Variants in MB21D2 observed in about 807,000 individuals in gnomAD.
MB21D2 encodes nucleotidyltransferase MB21D2.
MB21D2 carries 9 observed loss-of-function variants against 33.3 expected under a neutral mutation model. That is an observed-to-expected ratio of 0.27 (90% confidence interval 0.16 to 0.47). The LOEUF (loss-of-function observed/expected upper bound fraction) is 0.47. Ranked by LOEUF, MB21D2 falls within the 20% of genes least tolerant of loss-of-function variation. The pLI is 0.99. For missense variants in MB21D2, 540 were observed against 624.6 expected (o/e 0.86, Z 1.44); for synonymous variants, 241 against 236.3 (o/e 1.02, Z -0.18).
intron 1 of MB21D2, among the ~76,000 whole-genome samples, chr3:192,861,215 C>G (rs537185190): frequency 6.6e-6 from 1 of 152,322 alleles, no homozygotes; most frequent in East Asian, 1.9e-4. Flanking sequence ...CCTCTGGGCT[C>G]GGTTCTCAAT....
At chr3:192,870,324 A>C (rs1395626358) in intron 1 of MB21D2, among the ~76,000 whole-genome samples, 7 of 152,172 alleles carry the variant, frequency 4.6e-5, no homozygotes, top group Admixed American at 2.0e-4. Context: ...TTAAAGCCCA[A>C]GACTAGTGAG....
intron 1 of MB21D2, among the ~76,000 whole-genome samples, chr3:192,803,982 G>C (rs1157739358): frequency 6.6e-6 from 1 of 152,172 alleles, no homozygotes; most frequent in East Asian, 1.9e-4. Context: ...GCATATGCTT[G>C]TTCTTAAGTA....
At chr3:192,867,073 T>C (rs1260996635) in intron 1 of MB21D2, among the ~76,000 whole-genome samples, 1 of 152,106 alleles carries the variant, frequency 6.6e-6, no homozygotes, top group Non-Finnish European at 1.5e-5. Flanking sequence ...CCAGAAACTA[T>C]TGCAATATTA....
intron 1 of MB21D2, among the ~76,000 whole-genome samples, chr3:192,849,316 T>TGGGGGGG (rs66792694): frequency 3.3e-5 from 3 of 92,136 alleles, no homozygotes; most frequent in Non-Finnish European, 6.4e-5. Flanking sequence ...TCTCTTTTTT[T>TGGGGGGG]GGGGGGGGGG....
intron 1 of MB21D2, among the ~76,000 whole-genome samples, chr3:192,878,825 G>A (rs747668692): frequency 3.1e-4 from 47 of 152,182 alleles, no homozygotes; most frequent in Middle Eastern, 3.2e-3. Context: ...TTAGCTGGAC[G>A]TGGTGGTGCA....
chr3:192,847,092 T>G (rs1162624449), intron 1 of MB21D2, among the ~76,000 whole-genome samples: 1 of 152,146 alleles, frequency 6.6e-6, no homozygotes, highest in African/African-American at 2.4e-5. Context: ...TGAGACTTCA[T>G]GGTCTCCAGG....
At chr3:192,904,849 C>G (rs1384401500) in intron 1 of MB21D2, among the ~76,000 whole-genome samples, 1 of 152,226 alleles carries the variant, frequency 6.6e-6, no homozygotes, top group African/African-American at 2.4e-5. Flanking sequence ...ACTGAGCCAC[C>G]CACCACACTC....
chr3:192,886,480 A>G (rs1004948282), intron 1 of MB21D2, among the ~76,000 whole-genome samples: 1 of 152,098 alleles, frequency 6.6e-6, no homozygotes, highest in African/African-American at 2.4e-5. Context: ...GCAAATCTTG[A>G]CACTTTGCTA....
chr3:192,890,480 G>T (rs56082947), intron 1 of MB21D2, among the ~76,000 whole-genome samples: 31,227 of 151,588 alleles, frequency 0.21, 3,913 homozygotes, highest in African/African-American at 0.35. Flanking sequence ...TAGCTTGTAA[G>T]GTCTGATGGG....
chr3:192,901,410 ATT>A (rs1714097769), intron 1 of MB21D2, among the ~76,000 whole-genome samples: 3 of 132,330 alleles, frequency 2.3e-5, no homozygotes, highest in Non-Finnish European at 4.7e-5. Flanking sequence ...TCTACTAAAA[ATT>A]CAAAAAAAAA....
intron 1 of MB21D2, among the ~76,000 whole-genome samples, chr3:192,811,229 C>T (rs570416230): frequency 6.6e-6 from 1 of 152,328 alleles, no homozygotes; most frequent in East Asian, 1.9e-4. Flanking sequence ...CATTCAATAG[C>T]TTATTAATAG....
chr3:192,863,874 G>A (rs966928181), intron 1 of MB21D2, among the ~76,000 whole-genome samples: 1 of 152,176 alleles, frequency 6.6e-6, no homozygotes, highest in Non-Finnish European at 1.5e-5. Flanking sequence ...ACCTGCCAGA[G>A]CCTTGATCTT....
At chr3:192,886,481 C>T (rs1051232146) in intron 1 of MB21D2, among the ~76,000 whole-genome samples, 5 of 152,100 alleles carry the variant, frequency 3.3e-5, no homozygotes, top group Non-Finnish European at 7.3e-5. Flanking sequence ...CAAATCTTGA[C>T]ACTTTGCTAC....
At chr3:192,820,966 C>A (rs1319095974) in intron 1 of MB21D2, among the ~76,000 whole-genome samples, 6 of 152,130 alleles carry the variant, frequency 3.9e-5, no homozygotes, top group Non-Finnish European at 7.3e-5. Context: ...TGAGGTCTCG[C>A]TATGTTGCTG....
chr3:192,820,658 T>C (rs7616232), intron 1 of MB21D2, among the ~76,000 whole-genome samples: 413 of 152,364 alleles, frequency 2.7e-3, no homozygotes, highest in African/African-American at 9.2e-3. Context: ...CCGGGCTCTC[T>C]CTGCAAAGGC....
intron 1 of MB21D2, among the ~76,000 whole-genome samples, chr3:192,914,313 A>AT (rs1295805275): frequency 6.6e-6 from 1 of 152,194 alleles, no homozygotes; most frequent in Non-Finnish European, 1.5e-5. Flanking sequence ...TTAGTAAATG[A>AT]TTAACTACCG....
intron 1 of MB21D2, among the ~76,000 whole-genome samples, chr3:192,835,915 C>A (rs1014237784): frequency 2.6e-5 from 4 of 151,780 alleles, no homozygotes; most frequent in African/African-American, 9.7e-5. Context: ...TCAGAATGTT[C>A]TTAGCACATT....
chr3:192,839,591 T>C (rs1712524721), intron 1 of MB21D2, among the ~76,000 whole-genome samples: 1 of 152,230 alleles, frequency 6.6e-6, no homozygotes. Context: ...TATTTGCAGG[T>C]ATGTCTACAT....
At chr3:192,840,832 G>T (rs144586665) in intron 1 of MB21D2, among the ~76,000 whole-genome samples, 2,257 of 152,292 alleles carry the variant, frequency 0.015, 28 homozygotes, top group Admixed American at 0.024. Context: ...CCCGCCTGAA[G>T]ATTGTTACAC....
Sources: allele counts gnomAD v4.1 joint callset (sites outside exome capture counted in the v4.1 genomes callset), GRCh38; gene constraint gnomAD v4.1.1; transcripts MANE v1.5; gene names NCBI Gene and HGNC (gene_info 2026-07-23, HGNC 2026-07-21).